The following ARB2A variants were observed in gnomAD, a reference collection of about 807,000 sequenced individuals.
The protein encoded by ARB2A is cotranscriptional regulator ARB2A.
the ARB2A span, among the ~76,000 whole-genome samples, chr5:93,827,179 C>T: frequency 7.4e-4 from 113 of 152,278 alleles, no homozygotes; most frequent in Non-Finnish European, 1.4e-3. Context: ...ACACTGACTT[C>T]CACAATGGTT....
the ARB2A span, among the ~76,000 whole-genome samples, chr5:93,800,323 A>G: frequency 1.3e-5 from 2 of 151,330 alleles, no homozygotes; most frequent in East Asian, 3.9e-4. Context: ...TAAATTACTC[A>G]TGTTAAAAAT....
chr5:93,635,601 A>C, the ARB2A span, among the ~76,000 whole-genome samples: 1 of 151,424 alleles, frequency 6.6e-6, no homozygotes, highest in Non-Finnish European at 1.5e-5. Context: ...CACCACACCT[A>C]GCTAATTTTT....
At chr5:93,957,184 G>A in the ARB2A span, among the ~76,000 whole-genome samples, 1 of 152,008 alleles carries the variant, frequency 6.6e-6, no homozygotes, top group African/African-American at 2.4e-5. Flanking sequence ...AACATGTTTG[G>A]CATGGTTTTC....
the ARB2A span, among the ~76,000 whole-genome samples, chr5:94,046,038 A>G: frequency 1.3e-5 from 2 of 152,186 alleles, no homozygotes; most frequent in Non-Finnish European, 2.9e-5. Flanking sequence ...TGGAGGTGGG[A>G]TACAGTGACA....
the ARB2A span, among the ~76,000 whole-genome samples, chr5:93,857,797 C>A: frequency 6.6e-6 from 1 of 152,178 alleles, no homozygotes; most frequent in African/African-American, 2.4e-5. Context: ...ACCCACTGTC[C>A]TGCGCCCACG....
the ARB2A span, chr5:93,741,560 C>T: frequency 1.3e-6 from 2 of 1,549,004 alleles, no homozygotes; most frequent in Non-Finnish European, 1.7e-6. Flanking sequence ...CTGTGTCCGG[C>T]CATGGGTGGA....
the ARB2A span, among the ~76,000 whole-genome samples, chr5:93,636,631 A>G: frequency 1.3e-5 from 2 of 152,232 alleles, no homozygotes; most frequent in Admixed American, 6.5e-5. Context: ...TCTGTTGTTT[A>G]TAACCCACCT....
the ARB2A span, among the ~76,000 whole-genome samples, chr5:94,059,682 T>C: frequency 2.6e-5 from 3 of 115,436 alleles, no homozygotes; most frequent in Non-Finnish European, 5.7e-5. Context: ...GGAACAAAGA[T>C]AATAATGACA....
chr5:93,808,808 TTTTTA>T, the ARB2A span, among the ~76,000 whole-genome samples: 1 of 152,006 alleles, frequency 6.6e-6, no homozygotes, highest in African/African-American at 2.4e-5. Context: ...TCTCTAAATA[TTTTTA>T]TTTTTTGTTT....
At chr5:93,691,581 GGAACCGAGT>G in the ARB2A span, among the ~76,000 whole-genome samples, 1 of 152,066 alleles carries the variant, frequency 6.6e-6, no homozygotes, top group African/African-American at 2.4e-5. Context: ...CGGGGAGAAT[GGAACCGAGT>G]TGGAAAACAC....
At chr5:93,974,312 G>A in the ARB2A span, among the ~76,000 whole-genome samples, 2 of 151,996 alleles carry the variant, frequency 1.3e-5, no homozygotes, top group African/African-American at 4.8e-5. Context: ...ACAAAAAAGG[G>A]CAGAGGTTGT....
the ARB2A span, among the ~76,000 whole-genome samples, chr5:94,074,941 T>C: frequency 6.6e-6 from 1 of 152,094 alleles, no homozygotes; most frequent in African/African-American, 2.4e-5. Context: ...TATTTATGAA[T>C]TTATCTGAGT....
chr5:93,665,287 G>T, the ARB2A span, among the ~76,000 whole-genome samples: 1 of 152,156 alleles, frequency 6.6e-6, no homozygotes, highest in Non-Finnish European at 1.5e-5. Context: ...TGTGTTAAAT[G>T]ATTTTACTTA....
the ARB2A span, chr5:94,055,558 A>T: frequency 1.2e-6 from 1 of 840,198 alleles, no homozygotes; most frequent in Non-Finnish European, 1.4e-6. Flanking sequence ...CCCCAATATA[A>T]AAAAAAAGTT....
At chr5:93,935,393 G>C in the ARB2A span, among the ~76,000 whole-genome samples, 1 of 152,166 alleles carries the variant, frequency 6.6e-6, no homozygotes, top group African/African-American at 2.4e-5. Flanking sequence ...GGTAGATTTT[G>C]GGGGCCAATA....
the ARB2A span, among the ~76,000 whole-genome samples, chr5:93,686,837 TATC>T: frequency 6.6e-6 from 1 of 151,870 alleles, no homozygotes; most frequent in Non-Finnish European, 1.5e-5. Flanking sequence ...CTCCAAATGT[TATC>T]ATTTAAAAGT....
chr5:93,872,853 T>C, the ARB2A span, among the ~76,000 whole-genome samples: 1 of 150,526 alleles, frequency 6.6e-6, no homozygotes, highest in Non-Finnish European at 1.5e-5. Context: ...GGAGGCAGAG[T>C]TTGCAGTGAG....
the ARB2A span, among the ~76,000 whole-genome samples, chr5:94,012,193 G>GATCACA: frequency 6.6e-6 from 1 of 152,108 alleles, no homozygotes; most frequent in Non-Finnish European, 1.5e-5. Flanking sequence ...ACAAGGTCAG[G>GATCACA]AGATCAAGAC....
At chr5:94,083,216 C>G in the ARB2A span, among the ~76,000 whole-genome samples, 1 of 152,156 alleles carries the variant, frequency 6.6e-6, no homozygotes, top group Non-Finnish European at 1.5e-5. Flanking sequence ...CCAAATGGCT[C>G]TCATTAGTAT....
Sources: allele counts gnomAD v4.1 joint callset (sites outside exome capture counted in the v4.1 genomes callset), GRCh38; gene constraint gnomAD v4.1.1; transcripts MANE v1.5; gene names NCBI Gene and HGNC (gene_info 2026-07-23, HGNC 2026-07-21).